Variants in HMGN5 observed in about 807,000 individuals in gnomAD.
HMGN5 encodes the protein high mobility group nucleosome-binding domain-containing protein 5.
In HMGN5, 4 loss-of-function variants were observed where a neutral mutation model predicts 9.5. That is an observed-to-expected ratio of 0.42 (90% CI 0.21 to 0.96). The LOEUF (loss-of-function observed/expected upper bound fraction) is 0.96. Ranked by LOEUF, HMGN5 falls within the 40% of genes least tolerant of loss-of-function variation. The pLI is 0.30. For synonymous variants in HMGN5, 55 were observed against 57.1 expected (o/e 0.96, Z 0.16); for missense variants, 192 against 187.5 (o/e 1.02, Z -0.14).
intron 1 of HMGN5, among the ~76,000 whole-genome samples, chrX:81,196,722 A>G (rs1200260101): frequency 9.1e-6 from 1 of 109,764 alleles, no homozygotes; most frequent in Admixed American, 9.7e-5. Context: ...TTGTATTTTT[A>G]GTAGAGATGG....
chrX:81,186,906 C>T (rs1008339830), intron 1 of HMGN5, among the ~76,000 whole-genome samples: 3 of 111,188 alleles, frequency 2.7e-5, no homozygotes, highest in Admixed American at 9.6e-5. Flanking sequence ...TTTACATTAT[C>T]GTTTGTTTCA....
rs752038466 is a variant in HMGN5, at chrX:81,132,677, T to C, written c.-123-11005A>G. 4.5e-5 allele frequency among the ~76,000 whole-genome samples: 5 copies of C among 111,256 alleles called. No homozygotes were observed. The Admixed American group carries it at 4.8e-4, about 11-fold the overall frequency. ...ACTGAAACTGGACCCCTTCCTTATA[T>C]CATATAGAAAAATTAACTCAAGATG... On this transcript the variant is annotated intron_variant, in intron 1 of 6. Coordinates refer to ENST00000358130, the MANE Select transcript of HMGN5 (RefSeq NM_030763.3).
intron 1 of HMGN5, among the ~76,000 whole-genome samples, chrX:81,143,251 A>C (rs2075334389): frequency 8.9e-6 from 1 of 111,988 alleles, no homozygotes; most frequent in Non-Finnish European, 1.9e-5. Flanking sequence ...CAGAAAACAA[A>C]TAACAAAATG....
chrX:81,118,192 C>T (rs1195102527), intron 5 of HMGN5, among the ~76,000 whole-genome samples: 1 of 110,675 alleles, frequency 9.0e-6, no homozygotes, highest in Non-Finnish European at 1.9e-5. Flanking sequence ...ATTTAATGGG[C>T]CTATCCAACT....
At position 81,143,991 on chromosome X, in the gene HMGN5, C is replaced by T. The variant is rs750273653; in HGVS notation, c.-123-22319G>A. Among the ~76,000 whole-genome samples, 20 of 111,941 alleles carry T rather than the reference C, an allele frequency of 1.8e-4. No individual in the cohort carries two copies. In the East Asian group the frequency reaches 2.3e-3, roughly 13 times the overall value. ...AGGTCATCTCTGAAAAAAAGGCAGC[C>T]GCCCAAGTCAGGGACATATAGATAA... On this transcript the variant is annotated intron_variant, in intron 1 of 6. Coordinates refer to ENST00000358130, the MANE Select transcript of HMGN5 (RefSeq NM_030763.3).
At chrX:81,164,291 A>G (rs1362326812) in intron 1 of HMGN5, among the ~76,000 whole-genome samples, 3 of 111,841 alleles carry the variant, frequency 2.7e-5, no homozygotes, top group Non-Finnish European at 1.9e-5. Context: ...ATCCAAGATA[A>G]CAATAAGAAA....
rs535319792 is a variant in HMGN5 at position 81,161,373 on chromosome X, G to A, written c.-123-39701C>T. ...AATGCTCCTATCCCCTAGTCTTTGA[G>A]TATTCCCAGCTGAGACCTTAGACAT... On this transcript the variant is annotated intron_variant, in intron 1 of 6. Coordinates refer to ENST00000358130, the MANE Select transcript of HMGN5 (RefSeq NM_030763.3). Among the ~76,000 whole-genome samples, 41 of 111,222 alleles carry A rather than the reference G, an allele frequency of 3.7e-4. No homozygotes were observed. The South Asian group carries it at 0.014, about 39-fold the overall frequency.
At chrX:81,179,152 T>G (rs181651214) in intron 1 of HMGN5, among the ~76,000 whole-genome samples, 10 of 111,788 alleles carry the variant, frequency 8.9e-5, no homozygotes, top group African/African-American at 2.9e-4. Flanking sequence ...AAGACAAGGA[T>G]GCCCTCTCTC....
At chrX:81,153,577 CTCTCTCTATATATATATATATATATA>C (rs1188681267) in intron 1 of HMGN5, among the ~76,000 whole-genome samples, 2 of 11,277 alleles carry the variant, frequency 1.8e-4, no homozygotes, top group Non-Finnish European at 3.0e-4. Flanking sequence ...CTCTCTCTCT[CTCTCTCTATATATATATATATATATA>C]TATATATATA....
intron 1 of HMGN5, among the ~76,000 whole-genome samples, chrX:81,161,488 G>A (rs988677298): frequency 4.5e-5 from 5 of 111,040 alleles, no homozygotes; most frequent in Non-Finnish European, 5.6e-5. Flanking sequence ...TTGTTGTTTT[G>A]TGCCTCTAAG....
intron 2 of HMGN5, among the ~76,000 whole-genome samples, chrX:81,120,209 C>T (rs2075265001): frequency 8.9e-6 from 1 of 111,906 alleles, no homozygotes; most frequent in Admixed American, 9.5e-5. Context: ...GTTTGCCATG[C>T]AATTGTACCT....
intron 1 of HMGN5, among the ~76,000 whole-genome samples, chrX:81,168,928 T>C (rs1390688587): frequency 9.0e-6 from 1 of 111,230 alleles, no homozygotes; most frequent in African/African-American, 3.3e-5. Flanking sequence ...ACAGAGACAC[T>C]AAGCTAGAGA....
At chrX:81,163,082 T>G (rs983480230) in intron 1 of HMGN5, among the ~76,000 whole-genome samples, 2 of 111,823 alleles carry the variant, frequency 1.8e-5, no homozygotes, top group East Asian at 5.6e-4. Context: ...CTTTGGAAAC[T>G]TGTTCTTGTA....
At chrX:81,169,923 G>T (rs1307302858) in intron 1 of HMGN5, among the ~76,000 whole-genome samples, 1 of 108,503 alleles carries the variant, frequency 9.2e-6, no homozygotes, top group Non-Finnish European at 1.9e-5. Flanking sequence ...GCATGGTGGT[G>T]CGCTCCTGTA....
chrX:81,163,887 G>C (rs978183772), intron 1 of HMGN5, among the ~76,000 whole-genome samples: 1 of 111,466 alleles, frequency 9.0e-6, no homozygotes, highest in African/African-American at 3.3e-5. Flanking sequence ...ATCTGAGACA[G>C]GTTATTTATT....
intron 1 of HMGN5, among the ~76,000 whole-genome samples, chrX:81,192,639 G>A (rs993109727): frequency 9.0e-6 from 1 of 111,650 alleles, no homozygotes; most frequent in African/African-American, 3.3e-5. Context: ...ACATTCTTTA[G>A]TATTTCAATT....
intron 1 of HMGN5, among the ~76,000 whole-genome samples, chrX:81,168,391 A>T (rs1602575426): frequency 8.9e-6 from 1 of 111,878 alleles, no homozygotes; most frequent in Non-Finnish European, 1.9e-5. Context: ...GTTCTAAAAA[A>T]TGCCCACTTT....
At chrX:81,166,979 G>T (rs1225686236) in intron 1 of HMGN5, among the ~76,000 whole-genome samples, 1 of 111,123 alleles carries the variant, frequency 9.0e-6, no homozygotes, top group Non-Finnish European at 1.9e-5. Context: ...TTGGAGAGGG[G>T]ACTGAATACC....
intron 1 of HMGN5, among the ~76,000 whole-genome samples, chrX:81,159,494 C>T (rs755826269): frequency 1.6e-4 from 18 of 111,564 alleles, no homozygotes; most frequent in Admixed American, 1.1e-3. Flanking sequence ...CATAATATGA[C>T]GATCATGTCC....
Sources: gnomAD v4.1 joint callset for allele counts (sites outside exome capture counted in the v4.1 genomes callset) on GRCh38, gnomAD v4.1.1 for gene constraint, MANE v1.5 for transcripts, NCBI Gene and HGNC (gene_info 2026-07-23, HGNC 2026-07-21) for gene names.